Variants in KRABD4 observed in about 807,000 individuals in gnomAD.
The protein encoded by KRABD4 is KRAB domain containing 4.
chrX:46,455,701 C>T, the KRABD4 span: 1 of 384,203 alleles, frequency 2.6e-6, no homozygotes, highest in Non-Finnish European at 4.8e-6. Context: ...AAGTTGTACA[C>T]TGCTGTGTGA....
chrX:46,473,266 T>G, the KRABD4 span: 1 of 1,184,063 alleles, frequency 8.4e-7, no homozygotes. Flanking sequence ...ATGCTGCGAA[T>G]GTGCAAAAGC....
chrX:46,469,969 A>G, the KRABD4 span, among the ~76,000 whole-genome samples: 1 of 110,969 alleles, frequency 9.0e-6, no homozygotes, highest in Non-Finnish European at 1.9e-5. Flanking sequence ...TCTCCTTTAG[A>G]CCATTACTTC....
chrX:46,463,516 A>ACT, the KRABD4 span: 193 of 463,669 alleles, frequency 4.2e-4, no homozygotes, highest in Middle Eastern at 4.1e-3. Flanking sequence ...GATTGTGGCC[A>ACT]CTTGTTCTGA....
the KRABD4 span, among the ~76,000 whole-genome samples, chrX:46,452,772 A>G: frequency 8.9e-5 from 10 of 112,181 alleles, no homozygotes; most frequent in African/African-American, 3.2e-4. Flanking sequence ...TTGATTCAGA[A>G]CTGTCAATTG....
the KRABD4 span, chrX:46,454,833 A>G: frequency 8.7e-6 from 1 of 115,191 alleles, no homozygotes; most frequent in Non-Finnish European, 1.8e-5. Context: ...AAAAAACATT[A>G]TGACATTTTA....
chrX:46,471,083 T>C, the KRABD4 span: 1 of 1,134,229 alleles, frequency 8.8e-7, no homozygotes, highest in Non-Finnish European at 1.2e-6. Context: ...CTATCAATTA[T>C]TGAGAGAAAG....
chrX:46,458,232 A>G, the KRABD4 span, among the ~76,000 whole-genome samples: 22 of 112,473 alleles, frequency 2.0e-4, no homozygotes, highest in African/African-American at 7.1e-4. Flanking sequence ...AGAATAGTAT[A>G]CCATGTATCA....
At chrX:46,459,608 A>G in the KRABD4 span, among the ~76,000 whole-genome samples, 1 of 111,728 alleles carries the variant, frequency 9.0e-6, no homozygotes, top group African/African-American at 3.3e-5. Flanking sequence ...TCTTTTCTGC[A>G]GAGATTTAAG....
chrX:46,454,785 C>T, the KRABD4 span, among the ~76,000 whole-genome samples: 5 of 111,364 alleles, frequency 4.5e-5, no homozygotes, highest in Admixed American at 2.8e-4. Context: ...GGTGACAGAG[C>T]GAGATTCTGT....
the KRABD4 span, among the ~76,000 whole-genome samples, chrX:46,464,768 A>T: frequency 8.9e-6 from 1 of 112,294 alleles, no homozygotes; most frequent in African/African-American, 3.2e-5. Flanking sequence ...CCCAGAAGGG[A>T]GGAAAAGCAA....
At chrX:46,450,752 G>C in the KRABD4 span, among the ~76,000 whole-genome samples, 4 of 101,539 alleles carry the variant, frequency 3.9e-5, no homozygotes, top group East Asian at 9.1e-4. Flanking sequence ...ACCCAGGCTG[G>C]AGTGCAGTGG....
At chrX:46,455,424 T>TA in the KRABD4 span, 2 of 446,199 alleles carry the variant, frequency 4.5e-6, no homozygotes, top group Non-Finnish European at 8.2e-6. Context: ...GCATCAAAGT[T>TA]ACCACTGTAC....
the KRABD4 span, among the ~76,000 whole-genome samples, chrX:46,454,596 G>GTT: frequency 9.0e-6 from 1 of 111,303 alleles, no homozygotes; most frequent in Non-Finnish European, 1.9e-5. Context: ...AAGGTCAGGA[G>GTT]TTTGAGACCA....
At chrX:46,473,635 C>T in the KRABD4 span, 1 of 323,617 alleles carries the variant, frequency 3.1e-6, no homozygotes, top group East Asian at 5.2e-5. Context: ...CTTTCCTGCT[C>T]AGGATGCAAA....
At chrX:46,469,733 T>A in the KRABD4 span, among the ~76,000 whole-genome samples, 1 of 111,987 alleles carries the variant, frequency 8.9e-6, no homozygotes, top group African/African-American at 3.2e-5. Flanking sequence ...TTCAGTATAA[T>A]GTTGACTAGG....
At chrX:46,448,269 T>C in the KRABD4 span, 1 of 112,173 alleles carries the variant, frequency 8.9e-6, no homozygotes, top group Admixed American at 9.4e-5. Context: ...CCCAGCTTCC[T>C]CACTTAGTCT....
chrX:46,471,144 G>A, the KRABD4 span: 6 of 1,161,783 alleles, frequency 5.2e-6, no homozygotes, highest in African/African-American at 1.8e-5. Context: ...TCTTTCAGAT[G>A]TATCCATTTT....
chrX:46,465,838 G>A, the KRABD4 span, among the ~76,000 whole-genome samples: 3 of 111,462 alleles, frequency 2.7e-5, no homozygotes, highest in Non-Finnish European at 1.9e-5. Flanking sequence ...AATAGGAGAC[G>A]GCAATGAGCA....
the KRABD4 span, among the ~76,000 whole-genome samples, chrX:46,447,664 A>C: frequency 9.0e-6 from 1 of 111,663 alleles, no homozygotes. Flanking sequence ...ATGCCAGGCA[A>C]CCTTGCAAAT....
Sources: allele counts gnomAD v4.1 joint callset (sites outside exome capture counted in the v4.1 genomes callset), GRCh38; gene constraint gnomAD v4.1.1; transcripts MANE v1.5; gene names NCBI Gene and HGNC (gene_info 2026-07-23, HGNC 2026-07-21).